Variants in ZFY observed in about 807,000 individuals in gnomAD.
The protein encoded by ZFY is zinc finger Y-chromosomal protein.
For synonymous variants in ZFY, 47 were observed against 55.8 expected (o/e 0.84, Z 0.71); for missense variants, 113 against 170.9 (o/e 0.66, Z 1.89).
intron 1 of ZFY, among the ~76,000 whole-genome samples, chrY:2,945,626 T>C: frequency 6.3e-5 from 2 of 31,741 alleles, no homozygotes; most frequent in Non-Finnish European, 1.5e-4. Flanking sequence ...CCGGGCTGAT[T>C]TTTTGTGTGT....
intron 1 of ZFY, among the ~76,000 whole-genome samples, chrY:2,943,020 A>G (rs2051250074): frequency 3.0e-5 from 1 of 33,750 alleles, no homozygotes; most frequent in African/African-American, 1.2e-4. Context: ...TAGAAATCCT[A>G]TTGACTTTCA....
intron 1 of ZFY, among the ~76,000 whole-genome samples, chrY:2,950,759 A>G: frequency 3.0e-5 from 1 of 33,732 alleles, no homozygotes; most frequent in South Asian, 6.5e-4. Context: ...CATAGTAGGG[A>G]TATGTATATG....
At chrY:2,938,983 TTATATATATATATATA>T (rs765202788) in intron 1 of ZFY, among the ~76,000 whole-genome samples, 496 of 5,220 alleles carry the variant, frequency 0.095, no homozygotes, top group Middle Eastern at 0.54. Flanking sequence ...CATACAGTGC[TTATATATATATATATA>T]TATATATATA....
chrY:2,965,289 G>A, intron 3 of ZFY, among the ~76,000 whole-genome samples: 2 of 30,637 alleles, frequency 6.5e-5, no homozygotes, highest in Non-Finnish European at 1.6e-4. Context: ...CAGGTGCTGC[G>A]CCACCACAGC....
chrY:2,980,093 C>A lies in ZFY; in HGVS notation c.*100C>A. Reference sequence around the variant, plus strand: ...ATCCATTACTATACATTGAATTATGCTGTGTAAAAATAGAATTATTGCTTC... The same window carrying A: ...ATCCATTACTATACATTGAATTATGATGTGTAAAAATAGAATTATTGCTTC... On this transcript the variant is annotated 3_prime_UTR_variant, in exon 8 of 8. Coordinates refer to ENST00000155093, the MANE Select transcript of ZFY (RefSeq NM_003411.4). The A allele has an allele frequency of 3.9e-6, 1 of 259,094 alleles. No individual in the cohort carries two copies. The highest frequency in any genetic ancestry group is 6.0e-6 in the Non-Finnish European group (1 of 166,501). 64.6% of individuals were successfully genotyped at this position (259,094 alleles called of 400,897 possible). A position where few individuals can be genotyped will look rare whatever the true frequency, so the allele number is the denominator to read the frequency against.
chrY:2,951,417 A>G, intron 1 of ZFY, among the ~76,000 whole-genome samples: 3 of 33,139 alleles, frequency 9.1e-5, no homozygotes, highest in Admixed American at 2.8e-4. Context: ...TTCAGAAACT[A>G]TTTTCATTTC....
chrY:2,946,224 A>G, intron 1 of ZFY, among the ~76,000 whole-genome samples: 1 of 32,714 alleles, frequency 3.1e-5, no homozygotes, highest in Admixed American at 2.8e-4. Flanking sequence ...TGCTGCGATT[A>G]TAGACATGAG....
Position 2,953,917 on chromosome Y carries a change from A to G in ZFY, c.-20A>G. 2.6e-6 allele frequency: 1 copy of G among 383,340 alleles called. No individual in the cohort carries two copies. The highest frequency in any genetic ancestry group is 3.6e-6 in the Non-Finnish European group (1 of 274,304). On this transcript the variant is annotated 5_prime_UTR_variant, in exon 2 of 8. The change abolishes the stop of an existing upstream ORF in the 5' untranslated region. Coordinates refer to ENST00000155093, the MANE Select transcript of ZFY (RefSeq NM_003411.4). ...TTTATTCCCTGGTTTAGGAGCTGTGACTAATGAGAATTAAAGGCCATGGAT... is the reference window on the plus strand; with the variant it reads ...TTTATTCCCTGGTTTAGGAGCTGTGGCTAATGAGAATTAAAGGCCATGGAT...
At chrY:2,950,069 A>G (rs2051274222) in intron 1 of ZFY, among the ~76,000 whole-genome samples, 1 of 31,675 alleles carries the variant, frequency 3.2e-5, no homozygotes, top group South Asian at 7.6e-4. Flanking sequence ...TTATAGAGAC[A>G]TTGTCTTGCT....
At chrY:2,975,374 A>T in intron 4 of ZFY, 130 bp downstream of exon 4, 1 of 309,021 alleles carries the variant, frequency 3.2e-6, no homozygotes, top group Middle Eastern at 8.3e-4. Flanking sequence ...TAGATTGGAA[A>T]ATTTGAACTC....
At chrY:2,950,376 T>G in intron 1 of ZFY, among the ~76,000 whole-genome samples, 1 of 33,327 alleles carries the variant, frequency 3.0e-5, no homozygotes, top group African/African-American at 1.2e-4. Context: ...GTGGATCCTC[T>G]GGATCATTCT....
rs772496438 is a variant in ZFY at position 2,961,645 on chromosome Y, G to A, written c.633G>A (p.Ser211=). The part of the protein sequence containing the change: ...KASCEDYLMI[S]LDDAGKIEHD... Reference sequence around the variant, plus strand: ...GCTGTGAGGACTACCTAATGATTTCGTGTAAGTCATGGGGTACAGTGATTT... The same window carrying A: ...GCTGTGAGGACTACCTAATGATTTCATGTAAGTCATGGGGTACAGTGATTT... The change falls in exon 3 of 8, where the codon TCG becomes TCA. Residue 211 remains serine, a splice_region_variant and synonymous_variant. Transcript: ENST00000155093. 5 of 395,285 alleles carry A rather than the reference G, an allele frequency of 1.3e-5. No individual in the cohort carries two copies. Among genetic ancestry groups the A allele is most frequent in the East Asian group, 9.2e-5 (1 of 10,850 alleles).
At chrY:2,965,006 A>G (rs2051321913) in intron 3 of ZFY, among the ~76,000 whole-genome samples, 1 of 33,238 alleles carries the variant, frequency 3.0e-5, no homozygotes, top group East Asian at 7.7e-4. Context: ...TTCAACCAAG[A>G]GCAACACTCT....
chrY:2,951,804 A>G (rs2051279148), intron 1 of ZFY, among the ~76,000 whole-genome samples: 2 of 33,383 alleles, frequency 6.0e-5, no homozygotes, highest in African/African-American at 1.2e-4. Flanking sequence ...GATATCATAT[A>G]AACAAAGAGG....
Position 2,951,213 on chromosome Y carries a change from G to T in ZFY, c.-28-2696G>T, listed in dbSNP as rs757637825. Among the ~76,000 whole-genome samples, 5 of 32,938 alleles carry T rather than the reference G, an allele frequency of 1.5e-4. No homozygotes were observed. The East Asian group carries it at 4.0e-3, about 26-fold the overall frequency. 88.4% of individuals were successfully genotyped at this position (32,938 alleles called of 37,273 possible). A position where few individuals can be genotyped will look rare whatever the true frequency, so the allele number is the denominator to read the frequency against. ...AGTAATAACAGTAAATAAGTCATGT[G>T]GTAGCTTGGGTTAATAATGTGGAGG... On this transcript the variant is annotated intron_variant, in intron 1 of 7. Coordinates refer to ENST00000155093, the MANE Select transcript of ZFY (RefSeq NM_003411.4).
chrY:2,944,903 A>G, intron 1 of ZFY, among the ~76,000 whole-genome samples: 1 of 30,390 alleles, frequency 3.3e-5, no homozygotes, highest in Non-Finnish European at 7.9e-5. Context: ...ATGGGCCACA[A>G]TGCCCAGCTA....
At chrY:2,941,495 C>A in intron 1 of ZFY, among the ~76,000 whole-genome samples, 5 of 30,913 alleles carry the variant, frequency 1.6e-4, no homozygotes, top group African/African-American at 6.4e-4. Flanking sequence ...CATATCATTA[C>A]CAAATTTTTT....
chrY:2,948,046 T>C, intron 1 of ZFY, among the ~76,000 whole-genome samples: 1 of 33,508 alleles, frequency 3.0e-5, no homozygotes, highest in African/African-American at 1.2e-4. Context: ...TAAGTTAAAG[T>C]AGACTAAATG....
At position 2,982,415 on chromosome Y, in the gene ZFY, T is replaced by C. The variant is rs768855848; in HGVS notation, c.*2422T>C. On this transcript the variant is annotated 3_prime_UTR_variant, in exon 8 of 8. Coordinates refer to ENST00000155093, the MANE Select transcript of ZFY (RefSeq NM_003411.4). ...TTAAAATAACTATGAAGAATTCATA[T>C]AGGAAGTGTGATACTATTGTAAATG... 4.1e-4 allele frequency: 14 copies of C among 33,791 alleles called. No individual in the cohort carries two copies. The highest frequency in any genetic ancestry group is 1.4e-3 in the Admixed American group (5 of 3,662). 8.4% of individuals were successfully genotyped at this position (33,791 alleles called of 400,897 possible). A position where few individuals can be genotyped will look rare whatever the true frequency, so the allele number is the denominator to read the frequency against.
Sources: allele counts gnomAD v4.1 joint callset (sites outside exome capture counted in the v4.1 genomes callset), GRCh38; gene constraint gnomAD v4.1.1; transcripts MANE v1.5; gene names NCBI Gene and HGNC (gene_info 2026-07-23, HGNC 2026-07-21).